The following RIIAD1 variants were observed in gnomAD, a reference collection of about 807,000 sequenced individuals.
RIIAD1 encodes RIIa domain-containing protein 1.
Under a neutral mutation model 13.3 loss-of-function variants are expected in RIIAD1, and 15 were observed. That is an observed-to-expected ratio of 1.13 (90% CI 0.76 to 1.74). The LOEUF (loss-of-function observed/expected upper bound fraction) is 1.74. Among genes scored for constraint, RIIAD1 ranks in the 40% most tolerant of loss-of-function variants. RIIAD1 has a pLI of 0.00. For synonymous variants in RIIAD1, 50 were observed against 43.3 expected, an observed-to-expected ratio of 1.16 and a Z score of -0.61; for missense variants, 121 against 112.2, an observed-to-expected ratio of 1.08 and a Z score of -0.35.
At chr1:151,712,230 C>T (rs1314602310) in intron 2 of RIIAD1, among the ~76,000 whole-genome samples, 1 of 152,232 alleles carries the variant, frequency 6.6e-6, no homozygotes. Flanking sequence ...TCCCTCGGGC[C>T]TCCCAAAGAA....
chr1:151,721,452 TGA>T (rs575765954), upstream of RIIAD1: 710 of 806,468 alleles, frequency 8.8e-4, 5 homozygotes, highest in African/African-American at 0.012. Context: ...CCTGCTTCGC[TGA>T]AGGGGCCGGG....
chr1:151,726,502 G>A (rs184046199), intron 2 of RIIAD1, among the ~76,000 whole-genome samples: 36 of 152,348 alleles, frequency 2.4e-4, no homozygotes, highest in Admixed American at 1.5e-3. Context: ...TTCTTGGGGA[G>A]TTGGGAGGCC....
Position 151,728,798 on chromosome 1 carries a change from A to G in RIIAD1, c.241A>G (p.Ile81Val). The stretch of plus-strand genomic sequence containing the variant: ...CACGGATCCAAGACTTCCCAACAAG[A>G]TTCACATGCAGCTAATTAAAGACAA... ...YFTDPRLPNK[I>V]HMQLIKDKKA... Residue 81 changes from isoleucine to valine, a missense_variant, in exon 4 of 5, where the codon ATT (isoleucine) becomes GTT (valine). Ile to Val is a conservative substitution (Grantham distance 29). Coordinates refer to ENST00000479191, the MANE Select transcript of RIIAD1 (RefSeq NM_001144956.3). 1 of 1,546,142 alleles carries G rather than the reference A, an allele frequency of 6.5e-7. No homozygotes were observed. Among genetic ancestry groups the G allele is most frequent in the Non-Finnish European group, 8.8e-7 (1 of 1,142,110 alleles).
At chr1:151,723,905 T>G (rs901592257) in intron 2 of RIIAD1, among the ~76,000 whole-genome samples, 1 of 152,190 alleles carries the variant, frequency 6.6e-6, no homozygotes, top group Admixed American at 6.5e-5. Flanking sequence ...CCGTCACCTT[T>G]TGCAACTTTT....
intron 4 of RIIAD1, chr1:151,715,730 T>A (rs1406472072): frequency 6.3e-7 from 1 of 1,581,132 alleles, no homozygotes; most frequent in Admixed American, 1.7e-5. Context: ...GAGTTCTTTT[T>A]CAGCTCCTCC....
intron 4 of RIIAD1, 35 bp from the exon 5 acceptor site, chr1:151,729,453 A>T (rs1251615338): frequency 2.0e-5 from 3 of 152,116 alleles, no homozygotes; most frequent in Non-Finnish European, 2.9e-5. Flanking sequence ...AAAAGGTCAC[A>T]CTCCTAATTT....
intron 4 of RIIAD1, chr1:151,715,898 G>T: frequency 6.2e-7 from 1 of 1,613,746 alleles, no homozygotes; most frequent in Non-Finnish European, 8.5e-7. Flanking sequence ...CGGTGTACTT[G>T]TCCTTGATGA....
upstream of RIIAD1, chr1:151,721,430 CAGCCCCT>C: frequency 1.8e-6 from 1 of 559,034 alleles, no homozygotes. Flanking sequence ...TCAGTTCCCT[CAGCCCCT>C]AGCCCCTGCT....
chr1:151,720,600 GC>G, upstream of RIIAD1, among the ~76,000 whole-genome samples: 1 of 152,288 alleles, frequency 6.6e-6, no homozygotes, highest in Non-Finnish European at 1.5e-5. Context: ...CCCCTCCACG[GC>G]CAGGGCCTAA....
At chr1:151,715,053 C>T (rs1217246257) in intron 4 of RIIAD1, among the ~76,000 whole-genome samples, 1 of 152,076 alleles carries the variant, frequency 6.6e-6, no homozygotes, top group Non-Finnish European at 1.5e-5. Flanking sequence ...ACCATCATCC[C>T]TCTCTTCTCC....
rs1673761119 is a variant in RIIAD1 at position 151,722,752 on chromosome 1, A to G, written c.161+590A>G. On this transcript the variant is annotated intron_variant, in intron 2 of 4. Transcript: ENST00000479191. Reference sequence around the variant, plus strand: ...TCTCCAGGCATTGTGCTGTTCCCCTACATTAGCACTTACCACACTGTATTG... The same window carrying G: ...TCTCCAGGCATTGTGCTGTTCCCCTGCATTAGCACTTACCACACTGTATTG... Among the ~76,000 whole-genome samples, 6 of 152,318 alleles carry G rather than the reference A, an allele frequency of 3.9e-5. No individual in the cohort carries two copies. In the South Asian group the frequency reaches 8.3e-4, roughly 21 times the overall value.
intron 1 of RIIAD1, 47 bp downstream of exon 1, chr1:151,721,667 C>T (rs1240764260): frequency 8.5e-7 from 1 of 1,171,996 alleles, no homozygotes; most frequent in Non-Finnish European, 1.1e-6. Context: ...AGTGTAGCTG[C>T]CCCAGGACTG....
At chr1:151,719,976 T>C (rs111420003), upstream of RIIAD1, among the ~76,000 whole-genome samples, 1,819 of 152,310 alleles carry the variant, frequency 0.012, 31 homozygotes, top group African/African-American at 0.04. Flanking sequence ...ACAAGCCACA[T>C]ATATGGTTTA....
chr1:151,716,488 G>C, intron 4 of RIIAD1: 1 of 311,870 alleles, frequency 3.2e-6, no homozygotes, highest in Non-Finnish European at 6.4e-6. Flanking sequence ...TCAGTAAGGG[G>C]GGCCCACTCC....
rs1673744680 is a variant in RIIAD1, at chr1:151,721,952, G to A, written c.85-134G>A. ...TATTTTATCTGTAAGAAGATGGGTG[G>A]CTTAAACTTTCAAGCATCCTGGGGA... is the stretch of plus-strand genomic sequence containing the variant. On this transcript the variant is annotated intron_variant, in intron 1 of 4. Transcript: ENST00000479191. 9.1e-6 allele frequency: 6 copies of A among 660,422 alleles called. No individual in the cohort carries two copies. In the South Asian group the frequency reaches 1.1e-4, roughly 12 times the overall value. 40.9% of individuals were successfully genotyped at this position (660,422 alleles called of 1,614,324 possible).
chr1:151,719,183 G>T (rs1306218549), upstream of RIIAD1, among the ~76,000 whole-genome samples: 1 of 152,176 alleles, frequency 6.6e-6, no homozygotes, highest in Non-Finnish European at 1.5e-5. Context: ...TAGAGGAGAA[G>T]AGTTGTACCA....
chr1:151,713,928 C>T (rs976292131), intron 3 of RIIAD1, among the ~76,000 whole-genome samples: 1 of 152,210 alleles, frequency 6.6e-6, no homozygotes, highest in Non-Finnish European at 1.5e-5. Context: ...CCTCTGAGGC[C>T]ACCCCTGCCT....
At chr1:151,718,278 C>T (rs1673637130), upstream of RIIAD1, among the ~76,000 whole-genome samples, 1 of 152,138 alleles carries the variant, frequency 6.6e-6, no homozygotes, top group African/African-American at 2.4e-5. Context: ...CACCACCCCC[C>T]TATGATGTAG....
At chr1:151,715,636 A>G (rs1346538076) in intron 4 of RIIAD1, 8 of 1,490,834 alleles carry the variant, frequency 5.4e-6, no homozygotes, top group Non-Finnish European at 7.2e-6. Flanking sequence ...TCTGGGATCC[A>G]CATCTTTGCA....
Sources: allele counts gnomAD v4.1 joint callset (sites outside exome capture counted in the v4.1 genomes callset), GRCh38; gene constraint gnomAD v4.1.1; transcripts MANE v1.5; gene names NCBI Gene and HGNC (gene_info 2026-07-23, HGNC 2026-07-21).